Variants in RBP7 observed in about 807,000 individuals in gnomAD.
RBP7 encodes retinoid-binding protein 7.
Under a neutral mutation model 16.7 loss-of-function variants are expected in RBP7, and 13 were observed. That is an observed-to-expected ratio of 0.78 (90% CI 0.51 to 1.24). The LOEUF (loss-of-function observed/expected upper bound fraction) is 1.24. RBP7 is among the 50% of genes most tolerant of loss of function. The pLI is 0.00. For synonymous variants in RBP7, 54 were observed against 56.2 expected, an observed-to-expected ratio of 0.96 and a Z score of 0.17; for missense variants, 145 against 159.5, an observed-to-expected ratio of 0.91 and a Z score of 0.49.
intron 3 of RBP7, 67 bp from the exon 4 acceptor site, chr1:10,015,715 G>A: frequency 7.7e-7 from 1 of 1,299,264 alleles, no homozygotes; most frequent in South Asian, 1.2e-5. Flanking sequence ...TAAAAAATAA[G>A]TGTTGAGAGT....
intron 3 of RBP7, among the ~76,000 whole-genome samples, chr1:10,013,990 G>A (rs1642702804): frequency 6.6e-6 from 1 of 151,854 alleles, no homozygotes; most frequent in Non-Finnish European, 1.5e-5. Flanking sequence ...TAAAAAAGGA[G>A]TAAGGCCTTG....
At chr1:10,001,884 A>C (rs1372241391) in intron 1 of RBP7, among the ~76,000 whole-genome samples, 1 of 151,592 alleles carries the variant, frequency 6.6e-6, no homozygotes, top group Non-Finnish European at 1.5e-5. Flanking sequence ...TCTGGAGTGC[A>C]GTGGCACGGA....
intron 3 of RBP7, among the ~76,000 whole-genome samples, chr1:10,014,617 T>A (rs1642730353): frequency 6.6e-6 from 1 of 152,050 alleles, no homozygotes; most frequent in South Asian, 2.1e-4. Context: ...GAACTCCTGA[T>A]CTCAGGCGAT....
intron 1 of RBP7, among the ~76,000 whole-genome samples, chr1:10,004,588 T>C (rs1642377497): frequency 6.6e-6 from 1 of 152,034 alleles, no homozygotes; most frequent in Non-Finnish European, 1.5e-5. Flanking sequence ...TTGGTCAGGC[T>C]GGTCGCGTTG....
intron 1 of RBP7, among the ~76,000 whole-genome samples, chr1:9,999,198 T>C (rs1267651113): frequency 6.6e-6 from 1 of 152,178 alleles, no homozygotes; most frequent in Non-Finnish European, 1.5e-5. Flanking sequence ...GCCATGATTT[T>C]GAGGCTTCCC....
intron 1 of RBP7, chr1:10,006,913 T>C: frequency 4.7e-6 from 2 of 427,412 alleles, no homozygotes; most frequent in Non-Finnish European, 9.2e-6. Flanking sequence ...TGAGGCTGGG[T>C]TGGGGGGCCT....
intron 1 of RBP7, among the ~76,000 whole-genome samples, chr1:10,002,574 A>T (rs1304797191): frequency 6.6e-6 from 1 of 151,968 alleles, no homozygotes; most frequent in Non-Finnish European, 1.5e-5. Flanking sequence ...ATCTTGGCTC[A>T]TTGCAACCTC....
At chr1:10,006,749 G>GTATA (rs1278390442) in intron 1 of RBP7, among the ~76,000 whole-genome samples, 56 of 143,952 alleles carry the variant, frequency 3.9e-4, no homozygotes, top group African/African-American at 1.5e-3. Flanking sequence ...GTGTGTGTGT[G>GTATA]TGTATATATA....
intron 1 of RBP7, among the ~76,000 whole-genome samples, chr1:10,006,286 T>G (rs946675521): frequency 1.3e-5 from 2 of 152,056 alleles, no homozygotes; most frequent in Non-Finnish European, 2.9e-5. Context: ...GTGAGAGGAT[T>G]GCTTGAGCCC....
chr1:9,999,587 A>G (rs1262664763), intron 1 of RBP7, among the ~76,000 whole-genome samples: 1 of 152,054 alleles, frequency 6.6e-6, no homozygotes, highest in Non-Finnish European at 1.5e-5. Context: ...CCACTCTTGG[A>G]TATGTCTTTA....
intron 1 of RBP7, among the ~76,000 whole-genome samples, chr1:9,999,823 T>G (rs1642232226): frequency 1.2e-5 from 1 of 81,310 alleles, no homozygotes; most frequent in Non-Finnish European, 2.0e-5. Flanking sequence ...TCTTTTTTTT[T>G]TTTTTTTTTT....
At chr1:10,013,218 G>T (rs1255927498) in intron 3 of RBP7, among the ~76,000 whole-genome samples, 1 of 151,370 alleles carries the variant, frequency 6.6e-6, no homozygotes, top group Non-Finnish European at 1.5e-5. Context: ...GATTACAGGC[G>T]CCCGCTACCA....
chr1:10,005,399 G>T (rs962325976), intron 1 of RBP7, among the ~76,000 whole-genome samples: 1 of 151,872 alleles, frequency 6.6e-6, no homozygotes, highest in African/African-American at 2.4e-5. Flanking sequence ...ATGGGGTCTT[G>T]CTATGTTGTC....
rs1397213986 is a variant in RBP7 at position 9,997,610 on chromosome 1, C to G, written c.73+279C>G. On this transcript the variant is annotated intron_variant, in intron 1 of 3. Transcript: ENST00000294435. This position sits in a 1 kb window ranked among gnomAD's most constrained non-coding sequence, Gnocchi z 5.9. ...CCACGCCCTCTGTTCCCCCGGCCGT[C>G]GGTCCCCCACCCGTCCGTCCCTGAG... 6.6e-6 allele frequency among the ~76,000 whole-genome samples: 1 copy of G among 151,516 alleles called. No homozygotes were observed. The highest frequency in any genetic ancestry group is 2.4e-5 in the African/African-American group (1 of 41,314).
intron 3 of RBP7, among the ~76,000 whole-genome samples, 160 bp from the exon 4 acceptor site, chr1:10,015,622 C>T (rs1475265556): frequency 6.6e-6 from 1 of 152,056 alleles, no homozygotes; most frequent in Non-Finnish European, 1.5e-5. Flanking sequence ...CGAGATCTCA[C>T]CACTGTACTT....
chr1:10,014,321 C>G (rs1467467940), intron 3 of RBP7, among the ~76,000 whole-genome samples: 1 of 152,062 alleles, frequency 6.6e-6, no homozygotes, highest in Non-Finnish European at 1.5e-5. Context: ...TGTGTGCTCC[C>G]CCTTCCTACT....
chr1:10,013,854 T>C (rs1642700311), intron 3 of RBP7, among the ~76,000 whole-genome samples: 1 of 151,908 alleles, frequency 6.6e-6, no homozygotes, highest in South Asian at 2.1e-4. Context: ...TGGGTGCCTG[T>C]AGTCCCAGCT....
intron 1 of RBP7, among the ~76,000 whole-genome samples, chr1:10,005,836 TACAG>T (rs969178107): frequency 3.3e-5 from 5 of 152,146 alleles, no homozygotes; most frequent in African/African-American, 1.2e-4. Context: ...GTGCTGGGAT[TACAG>T]GCATGAGCCA....
At chr1:10,015,125 A>G (rs897586480) in intron 3 of RBP7, among the ~76,000 whole-genome samples, 15 of 152,026 alleles carry the variant, frequency 9.9e-5, no homozygotes, top group Non-Finnish European at 1.6e-4. Context: ...AGGCAGGAAA[A>G]TCATTTGAGG....
Sources: gnomAD v4.1 joint callset for allele counts (sites outside exome capture counted in the v4.1 genomes callset) on GRCh38, gnomAD v4.1.1 for gene constraint, Gnocchi (gnomAD v3.1) non-coding constraint, MANE v1.5 for transcripts, NCBI Gene and HGNC (gene_info 2026-07-23, HGNC 2026-07-21) for gene names.